The following LMCD1 variants were observed in gnomAD, a reference collection of about 807,000 sequenced individuals.
The protein encoded by LMCD1 is LIM and cysteine rich domains 1.
In LMCD1, 32 loss-of-function variants were observed where a neutral mutation model predicts 42.7. The observed-to-expected ratio is 0.75, with a 90% CI of 0.57 to 1.01. LMCD1 has a LOEUF of 1.01. LMCD1 is among the 50% of genes least tolerant of loss of function. The pLI is 0.00. For synonymous variants in LMCD1, 178 were observed against 184.9 expected (o/e 0.96, Z 0.30); for missense variants, 458 against 483.1 (o/e 0.95, Z 0.49).
At chr3:8,505,306 G>T (rs1008003) in intron 1 of LMCD1, among the ~76,000 whole-genome samples, 1 of 152,038 alleles carries the variant, frequency 6.6e-6, no homozygotes, top group South Asian at 2.1e-4. Flanking sequence ...CACCCAACGG[G>T]TGCAAAATCT....
At chr3:8,537,478 T>C in intron 3 of LMCD1, 38 bp downstream of exon 3, 1 of 1,520,100 alleles carries the variant, frequency 6.6e-7, no homozygotes, top group Non-Finnish European at 8.8e-7. Flanking sequence ...TGTTTTCCTA[T>C]CCTCATAAAT....
intron 1 of LMCD1, among the ~76,000 whole-genome samples, chr3:8,512,045 G>A (rs778846570): frequency 1.4e-4 from 21 of 152,216 alleles, no homozygotes; most frequent in African/African-American, 2.9e-4. Flanking sequence ...ATATACGTCC[G>A]TGAGATCCAG....
rs1391297626 is a variant in LMCD1, at chr3:8,571,546, G to T, written c.*3948G>T. On this transcript the variant is annotated 3_prime_UTR_variant, in exon 6 of 6. Transcript: ENST00000157600. ...TCAGTCTGAGCAGAAAATGTTCAAAGTGAGATATGACTTTGGGGATGGAGA... is the reference window on the plus strand; with the variant it reads ...TCAGTCTGAGCAGAAAATGTTCAAATTGAGATATGACTTTGGGGATGGAGA... 6.6e-6 allele frequency: 1 copy of T among 152,208 alleles called. No homozygotes were observed. The highest frequency in any genetic ancestry group is 2.4e-5 in the African/African-American group (1 of 41,432). 9.4% of individuals were successfully genotyped at this position (152,208 alleles called of 1,614,324 possible). A position where few individuals can be genotyped will look rare whatever the true frequency, so the allele number is the denominator to read the frequency against.
At chr3:8,521,229 C>T (rs1574951804) in intron 1 of LMCD1, among the ~76,000 whole-genome samples, 1 of 152,154 alleles carries the variant, frequency 6.6e-6, no homozygotes, top group South Asian at 2.1e-4. Context: ...CAGTCATCTT[C>T]GTGTTCGCCC....
At chr3:8,518,655 C>T (rs1463986049) in intron 1 of LMCD1, among the ~76,000 whole-genome samples, 3 of 152,052 alleles carry the variant, frequency 2.0e-5, no homozygotes, top group Non-Finnish European at 1.5e-5. Context: ...CAGTCTCATC[C>T]GTCTATCCAT....
In LMCD1 at chr3:8,570,762, C is replaced by A. The variant is rs1344491113; in HGVS notation, c.*3164C>A. On this transcript the variant is annotated 3_prime_UTR_variant, in exon 6 of 6. Coordinates refer to ENST00000157600, the MANE Select transcript of LMCD1 (RefSeq NM_014583.4). ...CTCTTCAAGAACAATCAGGGGCTCC[C>A]TGTTGCACACACAGAAAAAAATTGA... The A allele has an allele frequency of 6.6e-6, 1 of 152,226 alleles. No individual in the cohort carries two copies. The highest frequency in any genetic ancestry group is 2.4e-5 in the African/African-American group (1 of 41,450). The allele number at this position is 152,226 out of a possible 1,614,324, so 9.4% of individuals were successfully genotyped here. A position where few individuals can be genotyped will look rare whatever the true frequency, so the allele number is the denominator to read the frequency against.
intron 4 of LMCD1, among the ~76,000 whole-genome samples, chr3:8,564,511 A>C (rs1332630144): frequency 6.6e-6 from 1 of 152,100 alleles, no homozygotes; most frequent in Non-Finnish European, 1.5e-5. Context: ...GCCTCAAATG[A>C]TCCTCCTACC....
intron 4 of LMCD1, chr3:8,549,898 C>A (rs1320032010): frequency 5.2e-6 from 4 of 766,472 alleles, no homozygotes; most frequent in African/African-American, 3.4e-5. Flanking sequence ...CGTGTGATAA[C>A]CCATTAATCT....
intron 4 of LMCD1, among the ~76,000 whole-genome samples, chr3:8,555,624 CTT>C: frequency 6.8e-6 from 1 of 146,008 alleles, no homozygotes; most frequent in African/African-American, 2.5e-5. Context: ...TCAGGGAGAT[CTT>C]TTTTTTTGTT....
At chr3:8,540,364 T>C (rs1159074764) in intron 3 of LMCD1, among the ~76,000 whole-genome samples, 1 of 152,238 alleles carries the variant, frequency 6.6e-6, no homozygotes, top group Non-Finnish European at 1.5e-5. Context: ...GCCACCATAC[T>C]AGGAGCTATC....
At chr3:8,566,074 T>C (rs2125041593) in intron 5 of LMCD1, among the ~76,000 whole-genome samples, 1 of 152,322 alleles carries the variant, frequency 6.6e-6, no homozygotes, top group Admixed American at 6.5e-5. Context: ...AGAGTGGCTA[T>C]GAGGATAGAT....
chr3:8,513,616 G>A (rs1377042694), intron 1 of LMCD1, among the ~76,000 whole-genome samples: 1 of 152,130 alleles, frequency 6.6e-6, no homozygotes, highest in Non-Finnish European at 1.5e-5. Context: ...AAGAAAAAAG[G>A]GAGGGATGTA....
rs534077697 is a variant in LMCD1, at chr3:8,510,255, G to C, written c.42+8275G>C. Among the ~76,000 whole-genome samples, 39 of 152,218 alleles carry C rather than the reference G, an allele frequency of 2.6e-4. 1 individual carries two copies. Among genetic ancestry groups the C allele is most frequent in the African/African-American group, 8.9e-4 (37 of 41,554 alleles). On this transcript the variant is annotated intron_variant, in intron 1 of 5. Transcript: ENST00000157600. ...AGATCCCAGCTCTGCCCTCATCCTGGAGGAGAGCCACCCCTCCTACCACGG... is the reference window on the plus strand; with the variant it reads ...AGATCCCAGCTCTGCCCTCATCCTGCAGGAGAGCCACCCCTCCTACCACGG...
chr3:8,554,676 A>G (rs112937633), intron 4 of LMCD1, among the ~76,000 whole-genome samples: 151 of 152,254 alleles, frequency 9.9e-4, no homozygotes, highest in African/African-American at 3.1e-3. Context: ...CCCCACCTGG[A>G]TGGAACTGAT....
At chr3:8,530,269 G>A (rs1694387038) in intron 1 of LMCD1, among the ~76,000 whole-genome samples, 1 of 152,212 alleles carries the variant, frequency 6.6e-6, no homozygotes, top group Non-Finnish European at 1.5e-5. Context: ...CCCAGTGCAA[G>A]CCAGTTCCTT....
At chr3:8,511,233 A>C (rs1574946421) in intron 1 of LMCD1, among the ~76,000 whole-genome samples, 1 of 152,236 alleles carries the variant, frequency 6.6e-6, no homozygotes, top group East Asian at 1.9e-4. Flanking sequence ...AAAAGACCTA[A>C]TGAAGGTGAA....
chr3:8,550,266 G>T, intron 4 of LMCD1: 1 of 1,050,544 alleles, frequency 9.5e-7, no homozygotes, highest in East Asian at 7.0e-5. Flanking sequence ...TTTACCTTTT[G>T]CTCCTCCTGC....
chr3:8,504,128 G>C (rs1411605836), intron 1 of LMCD1, among the ~76,000 whole-genome samples: 1 of 152,108 alleles, frequency 6.6e-6, no homozygotes, highest in Non-Finnish European at 1.5e-5. Flanking sequence ...TTTATCTCTT[G>C]GGACTGCGAC....
At chr3:8,521,818 G>C (rs1172515689) in intron 1 of LMCD1, among the ~76,000 whole-genome samples, 1 of 152,184 alleles carries the variant, frequency 6.6e-6, no homozygotes, top group Non-Finnish European at 1.5e-5. Flanking sequence ...TGGTAGACCA[G>C]ATGACCGAGG....
Sources: allele counts gnomAD v4.1 joint callset (sites outside exome capture counted in the v4.1 genomes callset), GRCh38; gene constraint gnomAD v4.1.1; transcripts MANE v1.5; gene names NCBI Gene and HGNC (gene_info 2026-07-23, HGNC 2026-07-21).